Variants in ARHGAP26 observed in about 807,000 individuals in gnomAD.
ARHGAP26 encodes rho GTPase-activating protein 26.
ARHGAP26 carries 38 observed loss-of-function variants against 104.8 expected under a neutral mutation model. That is an observed-to-expected ratio of 0.36 (90% CI 0.28 to 0.48). ARHGAP26 has a LOEUF of 0.48. ARHGAP26 is among the 20% of genes least tolerant of loss of function. The probability of loss-of-function intolerance (pLI) is 0.99; values close to 1 mark genes in which losing one functional copy is unlikely to be tolerated. For missense variants in ARHGAP26, 704 were observed against 947.9 expected (o/e 0.74, Z 3.38); for synonymous variants, 341 against 340.0 (o/e 1.00, Z -0.03).
chr5:143,121,185 C>T (rs765329051), intron 18 of ARHGAP26, 38 bp downstream of exon 18: 4 of 1,592,030 alleles, frequency 2.5e-6, no homozygotes, highest in Non-Finnish European at 3.4e-6. Flanking sequence ...AAGAATGTAC[C>T]TGGGGGGAAG....
At chr5:142,882,188 A>G (rs921574042) in intron 4 of ARHGAP26, among the ~76,000 whole-genome samples, 1 of 152,206 alleles carries the variant, frequency 6.6e-6, no homozygotes, top group African/African-American at 2.4e-5. Flanking sequence ...ATTTGCATGT[A>G]GACTTGGGGA....
At chr5:143,167,656 G>A (rs556685693) in intron 20 of ARHGAP26, among the ~76,000 whole-genome samples, 1 of 152,102 alleles carries the variant, frequency 6.6e-6, no homozygotes, top group Non-Finnish European at 1.5e-5. Flanking sequence ...GGGGGCAAGC[G>A]CATGACTAAG....
intron 21 of ARHGAP26, among the ~76,000 whole-genome samples, chr5:143,213,791 T>A (rs1008907274): frequency 6.6e-6 from 1 of 152,216 alleles, no homozygotes; most frequent in African/African-American, 2.4e-5. Context: ...TTGAAGCTTA[T>A]GGCTTTTCTC....
At chr5:143,151,096 A>G (rs1036599064) in intron 20 of ARHGAP26, among the ~76,000 whole-genome samples, 2 of 152,248 alleles carry the variant, frequency 1.3e-5, no homozygotes, top group African/African-American at 2.4e-5. Context: ...ACCCAATTAA[A>G]ATATGAGCAA....
intron 20 of ARHGAP26, among the ~76,000 whole-genome samples, chr5:143,193,240 C>CTT (rs57462040): frequency 0.028 from 2,107 of 74,546 alleles, 187 homozygotes; most frequent in African/African-American, 0.087. Context: ...ATTTTCTTTT[C>CTT]TTTTTTTTTT....
intron 6 of ARHGAP26, among the ~76,000 whole-genome samples, chr5:142,896,652 G>A (rs1199656184): frequency 2.0e-5 from 3 of 151,848 alleles, no homozygotes; most frequent in Non-Finnish European, 2.9e-5. Context: ...CCATTTCCTG[G>A]CATCCTGTTG....
intron 19 of ARHGAP26, among the ~76,000 whole-genome samples, chr5:143,134,589 G>T (rs557395914): frequency 8.5e-5 from 13 of 152,112 alleles, no homozygotes; most frequent in Non-Finnish European, 1.5e-4. Flanking sequence ...GCATGGAGTC[G>T]ACACCTAAAA....
At chr5:142,819,280 C>T (rs1035875102) in intron 1 of ARHGAP26, among the ~76,000 whole-genome samples, 2 of 152,144 alleles carry the variant, frequency 1.3e-5, no homozygotes, top group Non-Finnish European at 2.9e-5. Context: ...CAGATTGGCC[C>T]CAGTAGGTCA....
At chr5:143,027,177 T>G (rs1246680475) in intron 12 of ARHGAP26, among the ~76,000 whole-genome samples, 2 of 43,694 alleles carry the variant, frequency 4.6e-5, no homozygotes, top group African/African-American at 9.1e-4. Context: ...TTTTTTGTGT[T>G]TTTTTTTTTT....
chr5:142,904,284 A>C (rs1760787657), intron 8 of ARHGAP26, among the ~76,000 whole-genome samples: 1 of 152,010 alleles, frequency 6.6e-6, no homozygotes, highest in Non-Finnish European at 1.5e-5. Context: ...TGAGCTCAGG[A>C]GTTCAAGACC....
Position 143,134,124 on chromosome 5 carries a change from G to A in ARHGAP26, c.1837+19G>A. The stretch of plus-strand genomic sequence containing the variant: ...GAGAAACGTGAGTCTTTGCTGCATA[G>A]GGCCAGCGTGGCATTCAGGGACATC... On this transcript the variant is annotated intron_variant, in intron 19 of 22. Coordinates refer to ENST00000645722, the MANE Select transcript of ARHGAP26 (RefSeq NM_001135608.3). 1.3e-6 allele frequency: 2 copies of A among 1,594,604 alleles called. No individual in the cohort carries two copies. Among genetic ancestry groups the A allele is most frequent in the Admixed American group, 1.7e-5 (1 of 58,268 alleles).
intron 11 of ARHGAP26, among the ~76,000 whole-genome samples, chr5:142,937,403 C>T (rs926595096): frequency 3.3e-5 from 5 of 152,128 alleles, no homozygotes; most frequent in Non-Finnish European, 2.9e-5. Context: ...TACTGAATGC[C>T]GGCAAGGATG....
intron 1 of ARHGAP26, 23 bp downstream of exon 1, chr5:142,770,938 G>A (rs1246486978): frequency 1.3e-6 from 2 of 1,588,158 alleles, no homozygotes; most frequent in Middle Eastern, 1.7e-4. Flanking sequence ...AGCCCCTCGG[G>A]GACGCGGCTC....
At chr5:142,992,670 G>A (rs574695515) in intron 11 of ARHGAP26, among the ~76,000 whole-genome samples, 50 of 152,012 alleles carry the variant, frequency 3.3e-4, no homozygotes, top group Admixed American at 2.0e-3. Flanking sequence ...CTCGTGATCC[G>A]CCTGCCTCGC....
At chr5:143,175,880 G>A (rs1229182450) in intron 20 of ARHGAP26, among the ~76,000 whole-genome samples, 1 of 152,192 alleles carries the variant, frequency 6.6e-6, no homozygotes, top group African/African-American at 2.4e-5. Flanking sequence ...TTGGGAGGGT[G>A]AGGCAGGTGG....
chr5:142,861,153 CG>C (rs1443136626), intron 1 of ARHGAP26, among the ~76,000 whole-genome samples: 1 of 152,038 alleles, frequency 6.6e-6, no homozygotes, highest in Non-Finnish European at 1.5e-5. Context: ...AGTGGGGAGG[CG>C]GGGAGCCTGG....
At chr5:142,954,411 T>C (rs1768877010) in intron 11 of ARHGAP26, among the ~76,000 whole-genome samples, 1 of 152,236 alleles carries the variant, frequency 6.6e-6, no homozygotes, top group Non-Finnish European at 1.5e-5. Flanking sequence ...CTCTGTGTTA[T>C]AAATAAATAT....
At chr5:142,820,411 G>C (rs1379902384) in intron 1 of ARHGAP26, among the ~76,000 whole-genome samples, 1 of 151,890 alleles carries the variant, frequency 6.6e-6, no homozygotes, top group East Asian at 1.9e-4. Context: ...TTTGTGGTTG[G>C]GTTTGATCTT....
chr5:143,088,556 CAAGATA>C (rs1790934039), intron 17 of ARHGAP26, among the ~76,000 whole-genome samples: 1 of 151,956 alleles, frequency 6.6e-6, no homozygotes, highest in East Asian at 1.9e-4. Context: ...AGAAAGAACC[CAAGATA>C]ATCTGAGACT....
Sources: gnomAD v4.1 joint callset for allele counts (sites outside exome capture counted in the v4.1 genomes callset) on GRCh38, gnomAD v4.1.1 for gene constraint, MANE v1.5 for transcripts, NCBI Gene and HGNC (gene_info 2026-07-23, HGNC 2026-07-21) for gene names.